The following DLG5 variants were observed in gnomAD, a reference collection of about 807,000 sequenced individuals.
The protein encoded by DLG5 is disks large homolog 5.
DLG5 carries 48 observed loss-of-function variants against 189.8 expected under a neutral mutation model. The observed-to-expected ratio is 0.25, with a 90% confidence interval of 0.20 to 0.32. The LOEUF is 0.32. DLG5 is among the 10% of genes least tolerant of loss of function. The pLI is 1.00. For missense variants in DLG5, 2,160 were observed against 2,544.7 expected (o/e 0.85, Z 3.25); for synonymous variants, 1,016 against 1,054.1 (o/e 0.96, Z 0.70).
chr10:77,816,080 A>AG, intron 20 of DLG5: 1 of 462,708 alleles, frequency 2.2e-6, no homozygotes, highest in Admixed American at 2.3e-5. Flanking sequence ...TTCGAATGAG[A>AG]GGGAAAAAGC....
rs371492254 is a variant in DLG5, at chr10:77,850,823, C to G, written c.864+2531G>C. On this transcript the variant is annotated intron_variant, in intron 5 of 31. Transcript: ENST00000372391. ...ATGACAGCCATACAGACCAATTCTC[C>G]TACACTGAGATGTGCCAACCTCGTG... 3.3e-5 allele frequency among the ~76,000 whole-genome samples: 5 copies of G among 152,366 alleles called. No homozygotes were observed. In the East Asian group the frequency reaches 7.7e-4, roughly 24 times the overall value.
chr10:77,844,053 G>T (rs968152297), intron 5 of DLG5, among the ~76,000 whole-genome samples: 3 of 152,198 alleles, frequency 2.0e-5, no homozygotes, highest in African/African-American at 7.2e-5. Context: ...CTAGGCTGAT[G>T]TAAAACTTTT....
intron 1 of DLG5, among the ~76,000 whole-genome samples, chr10:77,902,630 G>A (rs1053056509): frequency 6.6e-6 from 1 of 152,070 alleles, no homozygotes; most frequent in Non-Finnish European, 1.5e-5. Flanking sequence ...GGAGGCCGAG[G>A]TGGGCGGATC....
chr10:77,854,192 G>C lies in DLG5; in HGVS notation c.680+35C>G. 3 of 1,610,190 alleles carry C rather than the reference G, an allele frequency of 1.9e-6. No homozygotes were observed. In the South Asian group the frequency reaches 3.3e-5, roughly 18 times the overall value. ...GAAGGGCAAAGGCAGCTGTCTGTGG[G>C]TGTTGGAGGCCCTGGCCAAGCAGGC... On this transcript the variant is annotated intron_variant, in intron 4 of 31. Transcript: ENST00000372391.
rs143549534 is a variant in DLG5, at chr10:77,835,764, C to T, written c.1596G>A (p.Lys532=). 95 of 1,613,278 alleles carry T rather than the reference C, an allele frequency of 5.9e-5. No homozygotes were observed. The African/African-American group carries it at 1.2e-3, about 20-fold the overall frequency. The part of the protein sequence containing the change: ...RRDWAFQERD[K]IVAERDSIRT... ...GGATGCTGTCACGCTCTGCTACAAT[C>T]TTGTCTCGCTCCTGGAAGGCCCAGT... is the stretch of plus-strand genomic sequence containing the variant. The change falls in exon 8 of 32, where the codon AAG becomes AAA. Residue 532 remains lysine, a synonymous_variant. Coordinates refer to ENST00000372391, the MANE Select transcript of DLG5 (RefSeq NM_004747.4).
At position 77,806,632 on chromosome 10, in the gene DLG5, T is replaced by C. The variant is rs988972852; in HGVS notation, c.4967+126A>G. The C allele has an allele frequency of 2.0e-5, 26 of 1,310,598 alleles. No individual in the cohort carries two copies. The African/African-American group carries it at 3.7e-4, about 18-fold the overall frequency. The allele number at this position is 1,310,598 out of a possible 1,614,324, so 81.2% of individuals were successfully genotyped here. A position where few individuals can be genotyped will look rare whatever the true frequency, so the allele number is the denominator to read the frequency against. ...TTGGCAAAATGTAGAGAGCAGAAGC[T>C]AAGATAAGAAGCAGAATCCCTCCTC... On this transcript the variant is annotated intron_variant, in intron 26 of 31. Coordinates refer to ENST00000372391, the MANE Select transcript of DLG5 (RefSeq NM_004747.4).
At chr10:77,843,979 A>C (rs918656860) in intron 5 of DLG5, among the ~76,000 whole-genome samples, 2 of 152,206 alleles carry the variant, frequency 1.3e-5, no homozygotes, top group African/African-American at 4.8e-5. Context: ...TATCCTTAGA[A>C]AGGCCTGCTT....
chr10:77,934,371 CAAA>C, the DLG5 span, among the ~76,000 whole-genome samples: 1 of 96,306 alleles, frequency 1.0e-5, no homozygotes, highest in African/African-American at 4.2e-5. Context: ...AACTCCATCT[CAAA>C]AAAAAAAAAA....
At chr10:77,924,957 A>G (rs1294170267) in intron 1 of DLG5, among the ~76,000 whole-genome samples, 3 of 152,198 alleles carry the variant, frequency 2.0e-5, no homozygotes, top group South Asian at 2.1e-4. Context: ...TTAACAGCCA[A>G]ATAAATGGGT....
chr10:77,810,167 A>C (rs534389092), intron 23 of DLG5, among the ~76,000 whole-genome samples: 1 of 152,374 alleles, frequency 6.6e-6, no homozygotes, highest in Admixed American at 6.5e-5. Context: ...AGCAACTGCT[A>C]ACTTGTGAAG....
At chr10:77,870,654 C>T (rs558640266) in intron 1 of DLG5, among the ~76,000 whole-genome samples, 3 of 152,036 alleles carry the variant, frequency 2.0e-5, no homozygotes, top group Non-Finnish European at 4.4e-5. Context: ...CACTGCACTT[C>T]AGCCTGGGCA....
chr10:77,938,641 G>A, the DLG5 span, among the ~76,000 whole-genome samples: 1 of 152,160 alleles, frequency 6.6e-6, no homozygotes, highest in Non-Finnish European at 1.5e-5. Context: ...AATTGAAGCA[G>A]TCCCCCTTTC....
At chr10:77,820,866 G>A (rs1589153835) in intron 15 of DLG5, 2 of 572,286 alleles carry the variant, frequency 3.5e-6, no homozygotes, top group African/African-American at 1.9e-5. Flanking sequence ...CCAATAAAGT[G>A]TTCCCCTCTT....
intron 5 of DLG5, among the ~76,000 whole-genome samples, chr10:77,851,774 G>T (rs143745593): frequency 2.7e-3 from 405 of 152,328 alleles, no homozygotes; most frequent in African/African-American, 9.1e-3. Flanking sequence ...TTTTTCAATG[G>T]AATACAGTTT....
intron 2 of DLG5, 45 bp from the exon 3 acceptor site, chr10:77,856,937 T>C: frequency 6.4e-7 from 1 of 1,574,786 alleles, no homozygotes; most frequent in South Asian, 1.2e-5. Flanking sequence ...CATCTGGCAT[T>C]CACGAGGCGC....
rs185591111 is a variant in DLG5, at chr10:77,809,854, G to A, written c.4464-124C>T. The A allele has an allele frequency of 1.0e-4, 117 of 1,167,586 alleles. 1 individual carries two copies. The Admixed American group carries it at 1.2e-3, about 12-fold the overall frequency. The allele number at this position is 1,167,586 out of a possible 1,614,324, so 72.3% of individuals were successfully genotyped here. On this transcript the variant is annotated intron_variant, in intron 23 of 31. Coordinates refer to ENST00000372391, the MANE Select transcript of DLG5 (RefSeq NM_004747.4). The stretch of plus-strand genomic sequence containing the variant: ...TGGGGTCTCAGAACCACAGGGAGCT[G>A]AGAGGTGGCCTCTAGTTCTACTGGC...
At chr10:77,880,940 C>T (rs973201437) in intron 1 of DLG5, among the ~76,000 whole-genome samples, 1 of 144,126 alleles carries the variant, frequency 6.9e-6, no homozygotes, top group African/African-American at 2.5e-5. Context: ...TCAAGCAGGA[C>T]TCTCATCCAC....
chr10:77,817,204 T>G, intron 18 of DLG5, 108 bp from the exon 19 acceptor site: 4 of 981,018 alleles, frequency 4.1e-6, no homozygotes, highest in Non-Finnish European at 6.5e-6. Flanking sequence ...AGCTGGGCCC[T>G]GCTGTTTATT....
chr10:77,794,641 AAGG>A (rs1840816221), intron 30 of DLG5, among the ~76,000 whole-genome samples: 1 of 152,192 alleles, frequency 6.6e-6, no homozygotes, highest in Non-Finnish European at 1.5e-5. Flanking sequence ...GGGCGCGAGG[AAGG>A]GGCTGCGCTT....
Sources: allele counts gnomAD v4.1 joint callset (sites outside exome capture counted in the v4.1 genomes callset), GRCh38; gene constraint gnomAD v4.1.1; transcripts MANE v1.5; gene names NCBI Gene and HGNC (gene_info 2026-07-23, HGNC 2026-07-21).